PDGFD: variants seen among roughly 807,000 people sequenced by gnomAD.
PDGFD encodes platelet-derived growth factor D.
Under a neutral mutation model 44.7 loss-of-function variants are expected in PDGFD, and 30 were observed. The ratio of observed to expected loss-of-function variants is 0.67; its 90% CI spans 0.50 to 0.91. PDGFD has a LOEUF of 0.91. Among genes scored for constraint, PDGFD ranks in the 40% least tolerant of loss-of-function variants. The pLI is 0.00. For synonymous variants in PDGFD, 173 were observed against 168.4 expected, an observed-to-expected ratio of 1.03 and a Z score of -0.21; for missense variants, 445 against 457.8, an observed-to-expected ratio of 0.97 and a Z score of 0.25.
chr11:104,112,226 T>C (rs2134453526), intron 1 of PDGFD, among the ~76,000 whole-genome samples: 1 of 150,752 alleles, frequency 6.6e-6, no homozygotes, highest in East Asian at 2.1e-4. Flanking sequence ...ATAGCCATTC[T>C]GATTGGTGTG....
At chr11:104,018,574 T>G (rs114569057) in intron 1 of PDGFD, among the ~76,000 whole-genome samples, 270 of 152,296 alleles carry the variant, frequency 1.8e-3, no homozygotes, top group African/African-American at 6.4e-3. Context: ...AGATGTCTTT[T>G]GGGGAATCTG....
chr11:103,954,190 C>T (rs1287462822), intron 3 of PDGFD, among the ~76,000 whole-genome samples: 1 of 152,178 alleles, frequency 6.6e-6, no homozygotes, highest in Admixed American at 6.5e-5. Context: ...ATCTTGGGCC[C>T]ATGCCAGAGA....
rs1233208172 is a variant in PDGFD at position 103,909,526 on chromosome 11, C to T, written c.*168G>A. On this transcript the variant is annotated 3_prime_UTR_variant, in exon 7 of 7. Transcript: ENST00000393158. ...GTATAGAAGTTGATGATATACCTTTCTACTTGCCATGGCATTAACAAAGCA... is the reference window on the plus strand; with the variant it reads ...GTATAGAAGTTGATGATATACCTTTTTACTTGCCATGGCATTAACAAAGCA... 1 of 757,906 alleles carries T rather than the reference C, an allele frequency of 1.3e-6. No homozygotes were observed. Among genetic ancestry groups the T allele is most frequent in the Non-Finnish European group, 2.2e-6 (1 of 459,158 alleles). The allele number at this position is 757,906 out of a possible 1,614,324, so 46.9% of individuals were successfully genotyped here.
At chr11:104,052,420 T>C (rs1364987419) in intron 1 of PDGFD, among the ~76,000 whole-genome samples, 1 of 152,120 alleles carries the variant, frequency 6.6e-6, no homozygotes, top group Non-Finnish European at 1.5e-5. Flanking sequence ...AAATGAAAAA[T>C]GTTACTGTTA....
At chr11:104,084,927 A>G (rs1240282549) in intron 1 of PDGFD, among the ~76,000 whole-genome samples, 1 of 130,882 alleles carries the variant, frequency 7.6e-6, no homozygotes, top group East Asian at 2.1e-4. Flanking sequence ...ATATATATGA[A>G]TTACATATAC....
At chr11:104,090,806 G>C (rs992974991) in intron 1 of PDGFD, among the ~76,000 whole-genome samples, 8 of 152,148 alleles carry the variant, frequency 5.3e-5, no homozygotes, top group South Asian at 2.1e-4. Flanking sequence ...TCTGAGGCAG[G>C]TCCAGCAGCT....
intron 1 of PDGFD, among the ~76,000 whole-genome samples, chr11:104,161,680 G>A (rs1325355594): frequency 2.0e-5 from 3 of 152,062 alleles, no homozygotes; most frequent in South Asian, 2.1e-4. Context: ...AACACAGACC[G>A]TTGCAATATC....
At chr11:103,936,445 A>G (rs1312863184) in intron 5 of PDGFD, among the ~76,000 whole-genome samples, 1 of 152,226 alleles carries the variant, frequency 6.6e-6, no homozygotes, top group Non-Finnish European at 1.5e-5. Flanking sequence ...ATGCAGTGGC[A>G]TGACAAAGAA....
At chr11:103,968,921 G>A (rs1859059490) in intron 3 of PDGFD, among the ~76,000 whole-genome samples, 1 of 152,054 alleles carries the variant, frequency 6.6e-6, no homozygotes, top group Non-Finnish European at 1.5e-5. Flanking sequence ...TTTATGCTTT[G>A]TCAGCTCTCT....
At chr11:104,132,468 T>C (rs1239091151) in intron 1 of PDGFD, among the ~76,000 whole-genome samples, 1 of 152,070 alleles carries the variant, frequency 6.6e-6, no homozygotes, top group Non-Finnish European at 1.5e-5. Context: ...CCTGTAAACT[T>C]TTTTGCAACC....
chr11:104,002,950 TTCCTCA>T (rs1390257296), intron 1 of PDGFD, among the ~76,000 whole-genome samples: 16 of 152,240 alleles, frequency 1.1e-4, no homozygotes, highest in African/African-American at 3.9e-4. Flanking sequence ...GGTATTCAGA[TTCCTCA>T]TTTGTATAAG....
intron 1 of PDGFD, among the ~76,000 whole-genome samples, chr11:104,093,698 G>A (rs763877834): frequency 7.3e-5 from 11 of 151,680 alleles, no homozygotes; most frequent in Non-Finnish European, 1.3e-4. Context: ...CAGAATCTAT[G>A]AGGCTTTAAC....
intron 1 of PDGFD, among the ~76,000 whole-genome samples, chr11:104,056,788 T>G (rs531612675): frequency 1.4e-4 from 22 of 152,300 alleles, no homozygotes; most frequent in African/African-American, 4.8e-4. Flanking sequence ...CATTTTTTTA[T>G]ATACTAGCAG....
intron 1 of PDGFD, among the ~76,000 whole-genome samples, chr11:104,065,741 T>C (rs361262): frequency 0.4 from 60,967 of 152,030 alleles, 12,580 homozygotes; most frequent in East Asian, 0.56. Context: ...ATCAAGGTGC[T>C]GTGAAAAACT....
chr11:104,122,399 T>C (rs925873224), intron 1 of PDGFD, among the ~76,000 whole-genome samples: 1 of 152,018 alleles, frequency 6.6e-6, no homozygotes, highest in Non-Finnish European at 1.5e-5. Context: ...AGCTTTTCTT[T>C]ATGCAACTTA....
At chr11:104,017,094 G>C (rs1309030611) in intron 1 of PDGFD, among the ~76,000 whole-genome samples, 3 of 152,118 alleles carry the variant, frequency 2.0e-5, no homozygotes, top group South Asian at 2.1e-4. Context: ...TATAAAACAG[G>C]CTCCAGAGAG....
chr11:104,082,814 TAGAGAC>T (rs2134430341), intron 1 of PDGFD, among the ~76,000 whole-genome samples: 1 of 152,190 alleles, frequency 6.6e-6, no homozygotes, highest in Admixed American at 6.5e-5. Context: ...TAAATTTTTG[TAGAGAC>T]AGGGTCCAGG....
At position 104,059,675 on chromosome 11, in the gene PDGFD, C is replaced by T. The variant is rs887268215; in HGVS notation, c.125-59420G>A. ...GAGGTCTTGTCTGCCTAAGGAACAA[C>T]TAATCCTTCAAAACTGCTTGAACAG... On this transcript the variant is annotated intron_variant, in intron 1 of 6. Transcript: ENST00000393158. Among the ~76,000 whole-genome samples the T allele has an allele frequency of 2.0e-5, 3 of 152,300 alleles. No homozygotes were observed. The South Asian group carries it at 6.2e-4, about 32-fold the overall frequency.
At chr11:104,019,336 G>A (rs1859914900) in intron 1 of PDGFD, among the ~76,000 whole-genome samples, 1 of 151,810 alleles carries the variant, frequency 6.6e-6, no homozygotes, top group Admixed American at 6.6e-5. Context: ...GTCAAGCATT[G>A]TGACAGAAAA....
Sources: gnomAD v4.1 joint callset for allele counts (sites outside exome capture counted in the v4.1 genomes callset) on GRCh38, gnomAD v4.1.1 for gene constraint, MANE v1.5 for transcripts, NCBI Gene and HGNC (gene_info 2026-07-23, HGNC 2026-07-21) for gene names.